LMX1A: variants seen among roughly 807,000 people sequenced by gnomAD.
LMX1A encodes the protein LIM homeobox transcription factor 1-alpha.
Under a neutral mutation model 49.1 loss-of-function variants are expected in LMX1A, and 15 were observed. That is an observed-to-expected ratio of 0.31 (90% CI 0.20 to 0.47). The LOEUF (loss-of-function observed/expected upper bound fraction) is 0.47. LMX1A is among the 20% of genes least tolerant of loss of function. The pLI is 1.00. For synonymous variants in LMX1A, 167 were observed against 185.7 expected, an observed-to-expected ratio of 0.90 and a Z score of 0.82; for missense variants, 372 against 475.8, an observed-to-expected ratio of 0.78 and a Z score of 2.03.
chr1:165,260,356 G>A (rs577922492), intron 3 of LMX1A, among the ~76,000 whole-genome samples: 1 of 152,196 alleles, frequency 6.6e-6, no homozygotes, highest in East Asian at 1.9e-4. Context: ...GTGTCTGTGT[G>A]TGTGTGCATG....
At chr1:165,254,491 C>T (rs1179390423) in intron 3 of LMX1A, among the ~76,000 whole-genome samples, 5 of 152,186 alleles carry the variant, frequency 3.3e-5, no homozygotes, top group Non-Finnish European at 1.5e-5. Context: ...TACCTTGACT[C>T]CTGTTATCTT....
chr1:165,306,930 G>A (rs578167472), intron 3 of LMX1A, among the ~76,000 whole-genome samples: 1 of 152,342 alleles, frequency 6.6e-6, no homozygotes, highest in South Asian at 2.1e-4. Context: ...GAGTGAAGCG[G>A]TCAGCAGGAG....
At chr1:165,315,776 C>T (rs575732117) in intron 3 of LMX1A, among the ~76,000 whole-genome samples, 25 of 152,312 alleles carry the variant, frequency 1.6e-4, no homozygotes, top group South Asian at 4.2e-4. Context: ...ACACATGTGA[C>T]GCATCAAATA....
intron 4 of LMX1A, among the ~76,000 whole-genome samples, chr1:165,224,288 C>T (rs1385328560): frequency 6.6e-6 from 1 of 152,196 alleles, no homozygotes; most frequent in Non-Finnish European, 1.5e-5. Flanking sequence ...GCCTCTGGAA[C>T]CATGAGCCAA....
chr1:165,352,488 G>C (rs185809646), intron 3 of LMX1A, among the ~76,000 whole-genome samples: 1 of 152,214 alleles, frequency 6.6e-6, no homozygotes. Context: ...GGGCGAACGG[G>C]CTGTGCGCTT....
intron 3 of LMX1A, among the ~76,000 whole-genome samples, chr1:165,342,917 T>G (rs1391071040): frequency 6.6e-6 from 1 of 152,012 alleles, no homozygotes; most frequent in African/African-American, 2.4e-5. Context: ...CATCCCAGTT[T>G]CCTCTTCCCC....
intron 4 of LMX1A, among the ~76,000 whole-genome samples, chr1:165,237,604 C>T (rs972806062): frequency 1.3e-5 from 2 of 152,174 alleles, no homozygotes; most frequent in African/African-American, 4.8e-5. Flanking sequence ...AAAACCCAAG[C>T]ATGCCTCCAG....
chr1:165,303,027 A>G (rs1654821828), intron 3 of LMX1A, among the ~76,000 whole-genome samples: 1 of 152,210 alleles, frequency 6.6e-6, no homozygotes, highest in Non-Finnish European at 1.5e-5. Flanking sequence ...TCATCTTATT[A>G]TATCTTTGTC....
intron 4 of LMX1A, among the ~76,000 whole-genome samples, chr1:165,240,369 G>T (rs1652606353): frequency 6.6e-6 from 1 of 151,566 alleles, no homozygotes; most frequent in Admixed American, 6.6e-5. Flanking sequence ...TTAAAAAGAA[G>T]AATGGCTAGA....
At chr1:165,283,081 T>A (rs939927244) in intron 3 of LMX1A, among the ~76,000 whole-genome samples, 1 of 152,228 alleles carries the variant, frequency 6.6e-6, no homozygotes, top group African/African-American at 2.4e-5. Flanking sequence ...ATATGATGAA[T>A]AAAGACTTTG....
At chr1:165,296,693 G>T (rs1490638880) in intron 3 of LMX1A, among the ~76,000 whole-genome samples, 2 of 152,220 alleles carry the variant, frequency 1.3e-5, no homozygotes, top group East Asian at 1.9e-4. Context: ...CTGGGCCTCT[G>T]CCCCTTTTCC....
intron 4 of LMX1A, among the ~76,000 whole-genome samples, chr1:165,218,172 T>C (rs908571395): frequency 6.6e-6 from 1 of 152,236 alleles, no homozygotes. Flanking sequence ...TGACCTCTTG[T>C]TCTCCATCAA....
At chr1:165,235,040 G>A (rs963175669) in intron 4 of LMX1A, among the ~76,000 whole-genome samples, 1 of 152,156 alleles carries the variant, frequency 6.6e-6, no homozygotes, top group Non-Finnish European at 1.5e-5. Context: ...CCTAAAGAAT[G>A]CCAGGAGGTG....
chr1:165,275,847 ATGTGTGTGTG>A (rs529022372), intron 3 of LMX1A, among the ~76,000 whole-genome samples: 1,531 of 139,068 alleles, frequency 0.011, 22 homozygotes, highest in African/African-American at 0.033. Flanking sequence ...GTGTGTGTGT[ATGTGTGTGTG>A]TGTGTGTGTG....
At chr1:165,233,829 A>C (rs1022638495) in intron 4 of LMX1A, among the ~76,000 whole-genome samples, 1 of 152,224 alleles carries the variant, frequency 6.6e-6, no homozygotes, top group Admixed American at 6.5e-5. Context: ...ACTTAGAATG[A>C]TGCCTGACAT....
intron 3 of LMX1A, among the ~76,000 whole-genome samples, chr1:165,256,379 T>C (rs1446924938): frequency 6.6e-6 from 1 of 152,138 alleles, no homozygotes; most frequent in Non-Finnish European, 1.5e-5. Flanking sequence ...AGTTCTGTCC[T>C]AGATCAGAGT....
intron 3 of LMX1A, among the ~76,000 whole-genome samples, chr1:165,318,472 AT>A (rs11440497): frequency 2.1e-3 from 314 of 151,506 alleles, no homozygotes; most frequent in African/African-American, 7.2e-3. Flanking sequence ...GCATTATATA[AT>A]TTTTTTTTCT....
chr1:165,241,923 G>A (rs773783564), intron 4 of LMX1A, among the ~76,000 whole-genome samples: 4 of 152,190 alleles, frequency 2.6e-5, no homozygotes, highest in South Asian at 2.1e-4. Context: ...AGTGGCAAGC[G>A]AGGCATTTGG....
intron 3 of LMX1A, among the ~76,000 whole-genome samples, chr1:165,267,784 A>G (rs1653672979): frequency 6.6e-6 from 1 of 152,186 alleles, no homozygotes; most frequent in Admixed American, 6.5e-5. Context: ...ATCAAGTGAG[A>G]TGATGACTGA....
Sources: gnomAD v4.1 joint callset for allele counts (sites outside exome capture counted in the v4.1 genomes callset) on GRCh38, gnomAD v4.1.1 for gene constraint, MANE v1.5 for transcripts, NCBI Gene and HGNC (gene_info 2026-07-23, HGNC 2026-07-21) for gene names.